Variants in SYBU observed in about 807,000 individuals in gnomAD.
SYBU encodes the protein syntabulin, also known as GOLSYN A protein.
Under a neutral mutation model 35.9 loss-of-function variants are expected in SYBU, and 21 were observed. The observed-to-expected ratio is 0.58, with a 90% CI of 0.41 to 0.84. SYBU has a LOEUF of 0.84. Among genes scored for constraint, SYBU ranks in the 40% least tolerant of loss-of-function variants. The pLI is 0.00. For synonymous variants in SYBU, 319 were observed against 324.3 expected, an observed-to-expected ratio of 0.98 and a Z score of 0.18; for missense variants, 768 against 848.2, an observed-to-expected ratio of 0.91 and a Z score of 1.17.
At chr8:109,670,248 T>A (rs1816928745) in intron 1 of SYBU, among the ~76,000 whole-genome samples, 1 of 151,584 alleles carries the variant, frequency 6.6e-6, no homozygotes, top group Non-Finnish European at 1.5e-5. Context: ...TTTTTTTAAA[T>A]TTTTTTTTAT....
At chr8:109,601,444 C>T (rs567483437) in intron 3 of SYBU, among the ~76,000 whole-genome samples, 1 of 152,272 alleles carries the variant, frequency 6.6e-6, no homozygotes, top group Non-Finnish European at 1.5e-5. Flanking sequence ...ATGGGGGAGG[C>T]ATGGAGAAAC....
chr8:109,638,936 A>G (rs1351467522), intron 2 of SYBU, among the ~76,000 whole-genome samples: 1 of 152,378 alleles, frequency 6.6e-6, no homozygotes, highest in African/African-American at 2.4e-5. Context: ...AAGGTCACAC[A>G]CAACTTCTTC....
chr8:109,619,411 C>T (rs1025560737), intron 2 of SYBU, among the ~76,000 whole-genome samples: 4 of 151,664 alleles, frequency 2.6e-5, no homozygotes, highest in African/African-American at 9.7e-5. Flanking sequence ...TATTTTAGTA[C>T]AGACAGGGTT....
intron 4 of SYBU, 74 bp downstream of exon 4, chr8:109,585,986 T>A: frequency 1.0e-6 from 1 of 995,576 alleles, no homozygotes; most frequent in East Asian, 2.5e-5. Flanking sequence ...ATCCGGGTGG[T>A]TCTACAGATG....
At chr8:109,624,228 C>T (rs1399543710) in intron 2 of SYBU, among the ~76,000 whole-genome samples, 1 of 152,130 alleles carries the variant, frequency 6.6e-6, no homozygotes, top group Non-Finnish European at 1.5e-5. Flanking sequence ...AGGCCCCTTT[C>T]ACCCCCAAAA....
rs1330758651 is a variant in SYBU, at chr8:109,655,117, C to T, written c.-129+25594G>A. ...CCACTAATGCATAGCTTACAAGATC[C>T]CTCATGATTTAATCCTTGCATTCCG... On this transcript the variant is annotated intron_variant, in intron 1 of 5. Transcript: ENST00000408889. Among the ~76,000 whole-genome samples the T allele has an allele frequency of 5.9e-5, 9 of 152,292 alleles. No homozygotes were observed. In the East Asian group the frequency reaches 7.7e-4, roughly 13 times the overall value.
At chr8:109,595,433 G>A (rs962957460) in intron 3 of SYBU, among the ~76,000 whole-genome samples, 2 of 152,176 alleles carry the variant, frequency 1.3e-5, no homozygotes, top group African/African-American at 4.8e-5. Flanking sequence ...TGTGGCTCAC[G>A]AATAACACAT....
At chr8:109,619,384 C>T (rs896337851) in intron 2 of SYBU, among the ~76,000 whole-genome samples, 16 of 151,922 alleles carry the variant, frequency 1.1e-4, no homozygotes, top group African/African-American at 2.9e-4. Flanking sequence ...CCACCAGGCC[C>T]GGGTATTTTT....
chr8:109,634,013 T>A (rs2130553657), intron 2 of SYBU, among the ~76,000 whole-genome samples: 1 of 152,216 alleles, frequency 6.6e-6, no homozygotes, highest in South Asian at 2.1e-4. Context: ...GGATTACAGG[T>A]GTGAGCCACT....
chr8:109,691,185 G>A lies in SYBU; in HGVS notation c.-58+148C>T. The A allele has an allele frequency of 1.7e-6, 1 of 572,776 alleles. No individual in the cohort carries two copies. Among genetic ancestry groups the A allele is most frequent in the Non-Finnish European group, 3.1e-6 (1 of 320,064 alleles). 35.5% of individuals were successfully genotyped at this position (572,776 alleles called of 1,614,324 possible). A position where few individuals can be genotyped will look rare whatever the true frequency, so the allele number is the denominator to read the frequency against. Reference sequence around the variant, plus strand: ...CCACGACCTTCTTCTGTGCATCGCCGAGCACCCTGGATACCTCCCGCATTG... The same window carrying A: ...CCACGACCTTCTTCTGTGCATCGCCAAGCACCCTGGATACCTCCCGCATTG... On this transcript the variant is annotated intron_variant, in intron 1 of 7. Transcript: ENST00000422135. This position sits in a 1 kb window ranked among gnomAD's most constrained non-coding sequence, Gnocchi z 4.7.
At chr8:109,609,937 C>G (rs1481953852) in intron 3 of SYBU, among the ~76,000 whole-genome samples, 1 of 152,156 alleles carries the variant, frequency 6.6e-6, no homozygotes, top group African/African-American at 2.4e-5. Flanking sequence ...CCAAGCTCTA[C>G]AGAGTCGTCA....
intron 2 of SYBU, among the ~76,000 whole-genome samples, chr8:109,623,817 C>T (rs1227315899): frequency 1.3e-5 from 2 of 151,904 alleles, no homozygotes; most frequent in Admixed American, 6.6e-5. Context: ...TAATTATAAA[C>T]CCATAATTCT....
intron 3 of SYBU, among the ~76,000 whole-genome samples, chr8:109,612,502 A>G (rs1326264047): frequency 6.6e-6 from 1 of 152,222 alleles, no homozygotes; most frequent in Non-Finnish European, 1.5e-5. Context: ...TCTTCCCGTT[A>G]GCACTAAAAT....
chr8:109,641,962 C>A (rs769978379), intron 2 of SYBU, among the ~76,000 whole-genome samples: 9 of 152,138 alleles, frequency 5.9e-5, no homozygotes, highest in Non-Finnish European at 1.2e-4. Context: ...GGGTATGTAT[C>A]CAAAGAATTA....
intron 1 of SYBU, among the ~76,000 whole-genome samples, chr8:109,663,528 A>T (rs1286647014): frequency 6.6e-6 from 1 of 152,146 alleles, no homozygotes; most frequent in Admixed American, 6.5e-5. Flanking sequence ...CTGGTCGGTA[A>T]GTGCATATTT....
chr8:109,659,943 A>C (rs1023745477), intron 1 of SYBU, among the ~76,000 whole-genome samples: 1 of 152,208 alleles, frequency 6.6e-6, no homozygotes, highest in African/African-American at 2.4e-5. Context: ...TTTCATAAAA[A>C]AGAACAAAAA....
intron 1 of SYBU, among the ~76,000 whole-genome samples, chr8:109,677,803 A>G (rs530428090): frequency 6.6e-6 from 1 of 152,300 alleles, no homozygotes; most frequent in South Asian, 2.1e-4. Context: ...GAAATGTGAT[A>G]AACATTGCTG....
chr8:109,655,061 T>C (rs1464496420), intron 1 of SYBU, among the ~76,000 whole-genome samples: 4 of 152,344 alleles, frequency 2.6e-5, no homozygotes, highest in South Asian at 4.1e-4. Context: ...AATCTTTCAA[T>C]GCTCACTACC....
chr8:109,653,345 G>A (rs1234791450), intron 1 of SYBU, among the ~76,000 whole-genome samples: 1 of 152,120 alleles, frequency 6.6e-6, no homozygotes, highest in Non-Finnish European at 1.5e-5. Context: ...TTTGAAGAAA[G>A]TGTAAATAAG....
Sources: allele counts gnomAD v4.1 joint callset (sites outside exome capture counted in the v4.1 genomes callset), GRCh38; gene constraint gnomAD v4.1.1; non-coding constraint Gnocchi (gnomAD v3.1); transcripts MANE v1.5; gene names NCBI Gene and HGNC (gene_info 2026-07-23, HGNC 2026-07-21).